PDZRN4: variants seen among roughly 807,000 people sequenced by gnomAD.
The protein encoded by PDZRN4 is PDZ domain containing ring finger 4.
A neutral mutation model predicts 99.0 loss-of-function variants in PDZRN4; 70 were observed. That is an observed-to-expected ratio of 0.71 (90% confidence interval 0.58 to 0.86). The LOEUF is 0.86. Among genes scored for constraint, PDZRN4 ranks in the 40% least tolerant of loss-of-function variants. The pLI, the probability that PDZRN4 is intolerant of heterozygous loss-of-function variation, is 0.00. For missense variants in PDZRN4, 1,474 were observed against 1,331.2 expected, an observed-to-expected ratio of 1.11 and a Z score of -1.67; for synonymous variants, 551 against 501.6, an observed-to-expected ratio of 1.10 and a Z score of -1.32.
intron 3 of PDZRN4, among the ~76,000 whole-genome samples, chr12:41,327,222 G>A (rs1012869577): frequency 3.9e-5 from 6 of 152,060 alleles, no homozygotes; most frequent in African/African-American, 1.2e-4. Context: ...TCCCCCAGTA[G>A]CCCTTTCTTT....
In PDZRN4 at chr12:41,573,049, A is replaced by T. The variant is rs762781695; in HGVS notation, c.2270A>T (p.Asp757Val). The change falls in exon 10 of 10, where the codon GAC (aspartate) becomes GTC (valine). Residue 757 changes from aspartate to valine, a missense_variant. Asp to Val is a radical substitution (Grantham distance 152, BLOSUM62 -3). Coordinates refer to ENST00000402685, the MANE Select transcript of PDZRN4 (RefSeq NM_001164595.2). ...CCGCTCACTGTAGACCGTTCCCCTG[A>T]CAGTTCCCTTCCAAGGGTGATCAAC... ...STPLTVDRSPDSSLPRVINLT... is the reference protein window; with the variant it reads ...STPLTVDRSPVSSLPRVINLT... 1 of 1,614,138 alleles carries T rather than the reference A, an allele frequency of 6.2e-7. No individual in the cohort carries two copies. Among genetic ancestry groups the T allele is most frequent in the Non-Finnish European group, 8.5e-7 (1 of 1,180,000 alleles).
At chr12:41,431,067 T>A (rs1372601855) in intron 3 of PDZRN4, among the ~76,000 whole-genome samples, 1 of 152,160 alleles carries the variant, frequency 6.6e-6, no homozygotes, top group Non-Finnish European at 1.5e-5. Context: ...TAAACCATGA[T>A]CTAATCACCT....
chr12:41,203,600 G>T (rs1950830700), intron 3 of PDZRN4, among the ~76,000 whole-genome samples: 2 of 151,976 alleles, frequency 1.3e-5, no homozygotes, highest in African/African-American at 4.8e-5. Context: ...CACTCTATGA[G>T]GTTGGTACTG....
intron 3 of PDZRN4, among the ~76,000 whole-genome samples, chr12:41,266,377 T>A (rs1951277054): frequency 6.6e-6 from 1 of 152,068 alleles, no homozygotes; most frequent in South Asian, 2.1e-4. Flanking sequence ...TTTTTTCCTC[T>A]TGGTATTGAT....
rs867626851 is a variant in PDZRN4, at chr12:41,402,167, T to C, written c.844-104289T>C. Among the ~76,000 whole-genome samples, 40 of 61,114 alleles carry C rather than the reference T, an allele frequency of 6.5e-4. 9 individuals are homozygous for C. Among genetic ancestry groups the C allele is most frequent in the Non-Finnish European group, 1.1e-3 (30 of 28,192 alleles). 40.1% of individuals were successfully genotyped at this position (61,114 alleles called of 152,430 possible). A position where few individuals can be genotyped will look rare whatever the true frequency, so the allele number is the denominator to read the frequency against. ...CACACACTGAGTATATATATATATA[T>C]ACACACTGAGTATATATATATATAC... On this transcript the variant is annotated intron_variant, in intron 3 of 9. Coordinates refer to ENST00000402685, the MANE Select transcript of PDZRN4 (RefSeq NM_001164595.2).
chr12:41,199,433 G>A (rs192290414), intron 3 of PDZRN4, among the ~76,000 whole-genome samples: 1 of 152,252 alleles, frequency 6.6e-6, no homozygotes, highest in Non-Finnish European at 1.5e-5. Context: ...TGTAACTCCT[G>A]TGGAAAACAC....
intron 3 of PDZRN4, among the ~76,000 whole-genome samples, chr12:41,228,846 T>C (rs1951012176): frequency 6.6e-6 from 1 of 152,092 alleles, no homozygotes; most frequent in Non-Finnish European, 1.5e-5. Context: ...TCAAACTCTT[T>C]GTGTTTTTAT....
chr12:41,320,700 A>G (rs1592010703), intron 3 of PDZRN4, among the ~76,000 whole-genome samples: 2 of 107,476 alleles, frequency 1.9e-5, no homozygotes, highest in African/African-American at 5.4e-5. Flanking sequence ...AAGTCTTAAC[A>G]TGTGAACATT....
intron 3 of PDZRN4, among the ~76,000 whole-genome samples, chr12:41,299,265 TGAG>T (rs1313081971): frequency 8.7e-5 from 13 of 150,176 alleles, no homozygotes; most frequent in Non-Finnish European, 1.6e-4. Context: ...GAGAGTAAAA[TGAG>T]AGAGAGAGAG....
chr12:41,498,988 G>T (rs182244440), intron 3 of PDZRN4, among the ~76,000 whole-genome samples: 3 of 152,030 alleles, frequency 2.0e-5, no homozygotes, highest in African/African-American at 7.2e-5. Flanking sequence ...TAATCAAAGC[G>T]TTTAATTGAA....
At chr12:41,565,531 C>T (rs1056409172) in intron 8 of PDZRN4, among the ~76,000 whole-genome samples, 9 of 141,558 alleles carry the variant, frequency 6.4e-5, no homozygotes, top group Admixed American at 4.9e-4. Flanking sequence ...TTTTTTTTTG[C>T]GTGTGTATTT....
intron 3 of PDZRN4, among the ~76,000 whole-genome samples, chr12:41,332,708 T>C (rs1454427149): frequency 6.8e-6 from 1 of 147,992 alleles, no homozygotes; most frequent in African/African-American, 2.5e-5. Context: ...AGGGGTAGTT[T>C]GGAGGTCAGA....
At chr12:41,403,260 G>A (rs561940839) in intron 3 of PDZRN4, among the ~76,000 whole-genome samples, 4 of 152,168 alleles carry the variant, frequency 2.6e-5, no homozygotes, top group Admixed American at 1.3e-4. Context: ...GCTCTTTTTC[G>A]TTTGGCTGGT....
intron 3 of PDZRN4, among the ~76,000 whole-genome samples, chr12:41,217,097 G>T (rs754260683): frequency 3.3e-5 from 5 of 152,096 alleles, no homozygotes; most frequent in Non-Finnish European, 2.9e-5. Flanking sequence ...TGATAGGTTA[G>T]AAGCTAGTTT....
At chr12:41,368,370 C>T (rs780545233) in intron 3 of PDZRN4, among the ~76,000 whole-genome samples, 14 of 152,048 alleles carry the variant, frequency 9.2e-5, no homozygotes, top group Non-Finnish European at 1.9e-4. Context: ...TCAACCATTT[C>T]CCCCCAAGCA....
intron 3 of PDZRN4, chr12:41,473,378 T>C (rs1486248263): frequency 6.6e-6 from 1 of 152,182 alleles, no homozygotes; most frequent in East Asian, 1.9e-4. Flanking sequence ...TAAATTTAAA[T>C]GATACCACTC....
intron 3 of PDZRN4, among the ~76,000 whole-genome samples, chr12:41,246,001 G>A (rs906781967): frequency 6.6e-6 from 1 of 152,130 alleles, no homozygotes; most frequent in African/African-American, 2.4e-5. Flanking sequence ...TATTCTCTAG[G>A]GAGACAAAAG....
At chr12:41,567,746 C>T (rs1196944513) in intron 8 of PDZRN4, 37 bp from the exon 9 acceptor site, 2 of 1,359,026 alleles carry the variant, frequency 1.5e-6, no homozygotes, top group Middle Eastern at 1.8e-4. Context: ...TGAGTTCTCA[C>T]TAACATAATA....
In PDZRN4 at chr12:41,288,984, C is replaced by G. The variant is rs555927008; in HGVS notation, c.843+94796C>G. Among the ~76,000 whole-genome samples the G allele has an allele frequency of 1.2e-4, 18 of 151,930 alleles. No individual in the cohort carries two copies. The East Asian group carries it at 2.3e-3, about 20-fold the overall frequency. ...AAATTTTAACACATTACAATTTTCTCCTATGGTAACAAAGATCTGAAAAAA... is the reference window on the plus strand; with the variant it reads ...AAATTTTAACACATTACAATTTTCTGCTATGGTAACAAAGATCTGAAAAAA... On this transcript the variant is annotated intron_variant, in intron 3 of 9. Transcript: ENST00000402685.
Sources: gnomAD v4.1 joint callset for allele counts (sites outside exome capture counted in the v4.1 genomes callset) on GRCh38, gnomAD v4.1.1 for gene constraint, MANE v1.5 for transcripts, NCBI Gene and HGNC (gene_info 2026-07-23, HGNC 2026-07-21) for gene names.